RAD18: variants seen among roughly 807,000 people sequenced by gnomAD.
RAD18 encodes E3 ubiquitin-protein ligase RAD18.
Under a neutral mutation model 60.4 loss-of-function variants are expected in RAD18, and 47 were observed. That is an observed-to-expected ratio of 0.78 (90% CI 0.62 to 0.99). The LOEUF (loss-of-function observed/expected upper bound fraction) is 0.99. Ranked by LOEUF, RAD18 falls within the 50% of genes least tolerant of loss-of-function variation. The pLI, the probability that RAD18 is intolerant of heterozygous loss-of-function variation, is 0.00. For synonymous variants in RAD18, 225 were observed against 195.5 expected, an observed-to-expected ratio of 1.15 and a Z score of -1.26; for missense variants, 640 against 593.3, an observed-to-expected ratio of 1.08 and a Z score of -0.82.
intron 7 of RAD18, among the ~76,000 whole-genome samples, chr3:8,916,594 GAAC>G (rs1471250804): frequency 6.6e-6 from 1 of 152,054 alleles, no homozygotes; most frequent in East Asian, 1.9e-4. Context: ...TAGAAAAGAT[GAAC>G]AACATACATG....
chr3:8,958,356 A>C (rs1574829722), intron 2 of RAD18, among the ~76,000 whole-genome samples: 2 of 152,364 alleles, frequency 1.3e-5, no homozygotes, highest in East Asian at 3.9e-4. Context: ...GGTAACCCCT[A>C]TGCACTAAAT....
rs1215353523 is a variant in RAD18 at position 8,958,912 on chromosome 3, A to G, written c.133+8T>C. ...ATTTACTAACTCACAGGAACAAAAC[A>G]TACTTACAGTTATGTGAACACTGAG... On this transcript the variant is annotated splice_region_variant and intron_variant, in intron 2 of 12. Transcript: ENST00000264926. 4 of 1,607,834 alleles carry G rather than the reference A, an allele frequency of 2.5e-6. No homozygotes were observed. In the Admixed American group the frequency reaches 6.7e-5, roughly 27 times the overall value.
At chr3:8,959,213 CA>C (rs1941059333) in intron 1 of RAD18, among the ~76,000 whole-genome samples, 1 of 152,200 alleles carries the variant, frequency 6.6e-6, no homozygotes, top group Non-Finnish European at 1.5e-5. Flanking sequence ...TCAGGTTGCC[CA>C]AATTGCTTTA....
rs528779360 is a variant in RAD18 at position 8,957,374 on chromosome 3, G to A, written c.133+1546C>T. 1.7e-4 allele frequency among the ~76,000 whole-genome samples: 26 copies of A among 151,958 alleles called. No individual in the cohort carries two copies. In the South Asian group the frequency reaches 4.8e-3, roughly 28 times the overall value. ...AAAATGCAACGATCCTAAAAAAAAC[G>A]AAGAAAAAAAAGTTGGAGGACTTAC... On this transcript the variant is annotated intron_variant, in intron 2 of 12. Transcript: ENST00000264926.
intron 7 of RAD18, among the ~76,000 whole-genome samples, chr3:8,920,620 T>C (rs934282202): frequency 1.2e-4 from 18 of 152,158 alleles, no homozygotes; most frequent in African/African-American, 4.3e-4. Flanking sequence ...GGTACACAGA[T>C]GTCAAATGGC....
chr3:8,903,234 C>T (rs188535419), intron 9 of RAD18, among the ~76,000 whole-genome samples: 1 of 152,196 alleles, frequency 6.6e-6, no homozygotes, highest in East Asian at 1.9e-4. Context: ...AGGTTTCTTC[C>T]CAAACTCCAT....
chr3:8,922,347 A>C (rs1421654086), intron 7 of RAD18, among the ~76,000 whole-genome samples: 2 of 152,206 alleles, frequency 1.3e-5, no homozygotes, highest in Non-Finnish European at 2.9e-5. Flanking sequence ...TTGCTAGCAC[A>C]GCAGTCTGAG....
chr3:8,885,560 TA>T (rs1939545281), intron 12 of RAD18, among the ~76,000 whole-genome samples: 1 of 152,220 alleles, frequency 6.6e-6, no homozygotes, highest in South Asian at 2.1e-4. Flanking sequence ...AAGGAGCCTT[TA>T]TTTCTTATAA....
intron 1 of RAD18, among the ~76,000 whole-genome samples, chr3:8,962,612 T>A (rs1340232038): frequency 6.6e-6 from 1 of 152,214 alleles, no homozygotes; most frequent in Non-Finnish European, 1.5e-5. Flanking sequence ...CTGATCTTTA[T>A]CCAGCACAGC....
At chr3:8,885,057 T>A (rs1329493422) in intron 12 of RAD18, among the ~76,000 whole-genome samples, 2 of 152,232 alleles carry the variant, frequency 1.3e-5, no homozygotes, top group Admixed American at 1.3e-4. Flanking sequence ...ATCTACTGAA[T>A]GCAAAAACAT....
rs564549357 is a variant in RAD18, at chr3:8,922,659, C to T, written c.890-8939G>A. Among the ~76,000 whole-genome samples the T allele has an allele frequency of 3.3e-5, 5 of 152,324 alleles. No homozygotes were observed. The East Asian group carries it at 9.7e-4, about 29-fold the overall frequency. ...AACCCCAAGTAGCCTAACTGGGAGGCACCTCCCAGTAGGGGCAGACTGACA... is the reference window on the plus strand; with the variant it reads ...AACCCCAAGTAGCCTAACTGGGAGGTACCTCCCAGTAGGGGCAGACTGACA... On this transcript the variant is annotated intron_variant, in intron 7 of 12. Coordinates refer to ENST00000264926, the MANE Select transcript of RAD18 (RefSeq NM_020165.4).
chr3:8,881,799 ACT>A (rs2125043943), intron 12 of RAD18, among the ~76,000 whole-genome samples: 1 of 152,278 alleles, frequency 6.6e-6, no homozygotes, highest in East Asian at 1.9e-4. Flanking sequence ...CAAAATCTTA[ACT>A]CTGTTTGATC....
intron 6 of RAD18, among the ~76,000 whole-genome samples, chr3:8,938,503 C>T (rs1156988263): frequency 6.6e-6 from 1 of 152,182 alleles, no homozygotes; most frequent in East Asian, 1.9e-4. Context: ...TTCATCCCCA[C>T]TTCTCAGATA....
At chr3:8,894,872 T>C (rs538039610) in intron 11 of RAD18, among the ~76,000 whole-genome samples, 2 of 151,544 alleles carry the variant, frequency 1.3e-5, no homozygotes, top group East Asian at 3.9e-4. Flanking sequence ...GCAATTCTGC[T>C]GCCTCAGCCT....
intron 9 of RAD18, among the ~76,000 whole-genome samples, chr3:8,907,593 T>G (rs931866600): frequency 2.0e-5 from 3 of 152,172 alleles, no homozygotes; most frequent in African/African-American, 7.2e-5. Context: ...AAGCGGCTGA[T>G]GCAAGCGGTC....
intron 12 of RAD18, among the ~76,000 whole-genome samples, chr3:8,882,079 T>C (rs1361558018): frequency 6.6e-6 from 1 of 152,170 alleles, no homozygotes; most frequent in African/African-American, 2.4e-5. Context: ...CAAGAAAGAC[T>C]GGGAGCAGGA....
intron 12 of RAD18, 22 bp downstream of exon 12, chr3:8,890,367 T>C: frequency 6.5e-7 from 1 of 1,537,580 alleles, no homozygotes; most frequent in Non-Finnish European, 9.0e-7. Context: ...TGCATGCTTA[T>C]TTCATGATTA....
At chr3:8,922,299 C>G (rs187160788) in intron 7 of RAD18, among the ~76,000 whole-genome samples, 6 of 152,238 alleles carry the variant, frequency 3.9e-5, no homozygotes, top group Non-Finnish European at 7.3e-5. Context: ...TATCCCGTGC[C>G]TGGCTCGGAG....
At chr3:8,902,686 C>G (rs1369473017) in intron 9 of RAD18, among the ~76,000 whole-genome samples, 166 bp from the exon 10 acceptor site, 1 of 152,072 alleles carries the variant, frequency 6.6e-6, no homozygotes, top group East Asian at 1.9e-4. Flanking sequence ...GTCAGGAGTT[C>G]GAAACCAGCG....
Sources: gnomAD v4.1 joint callset for allele counts (sites outside exome capture counted in the v4.1 genomes callset) on GRCh38, gnomAD v4.1.1 for gene constraint, MANE v1.5 for transcripts, NCBI Gene and HGNC (gene_info 2026-07-23, HGNC 2026-07-21) for gene names.